Variants in CDH22 observed in about 807,000 individuals in gnomAD.
CDH22 encodes cadherin-22.
Under a neutral mutation model 58.4 loss-of-function variants are expected in CDH22, and 30 were observed. The ratio of observed to expected loss-of-function variants is 0.51; its 90% CI spans 0.38 to 0.70. The LOEUF (loss-of-function observed/expected upper bound fraction) is 0.70. Ranked by LOEUF, CDH22 falls within the 30% of genes least tolerant of loss-of-function variation. The pLI, the probability that CDH22 is intolerant of heterozygous loss-of-function variation, is 0.00. For missense variants in CDH22, 1,014 were observed against 1,233.9 expected (o/e 0.82, Z 2.67); for synonymous variants, 513 against 558.2 (o/e 0.92, Z 1.14).
intron 10 of CDH22, among the ~76,000 whole-genome samples, chr20:46,184,910 AC>A (rs897492829): frequency 3.2e-4 from 48 of 152,112 alleles, no homozygotes; most frequent in Admixed American, 2.3e-3. Context: ...ACATGGCGAA[AC>A]CTCGTCTCTA....
chr20:46,273,757 G>A (rs187008925), intron 1 of CDH22, among the ~76,000 whole-genome samples: 1 of 152,186 alleles, frequency 6.6e-6, no homozygotes, highest in Non-Finnish European at 1.5e-5. Context: ...ATGAGCCACC[G>A]GGTTGTGAAA....
At chr20:46,282,377 A>G (rs1270824996) in intron 1 of CDH22, among the ~76,000 whole-genome samples, 3 of 152,168 alleles carry the variant, frequency 2.0e-5, no homozygotes, top group African/African-American at 7.2e-5. Flanking sequence ...CTGAGAGAGC[A>G]GGAAGGAGTC....
chr20:46,265,347 T>C (rs2086454333), intron 1 of CDH22, among the ~76,000 whole-genome samples: 1 of 152,262 alleles, frequency 6.6e-6, no homozygotes, highest in South Asian at 2.1e-4. Context: ...CATAATTAAT[T>C]AAAATTGTAC....
chr20:46,267,374 T>C (rs995143882), intron 1 of CDH22, among the ~76,000 whole-genome samples: 2 of 152,234 alleles, frequency 1.3e-5, no homozygotes, highest in Non-Finnish European at 2.9e-5. Flanking sequence ...GAAGGGCTCA[T>C]TCCCACACAC....
At chr20:46,269,101 C>A (rs1181433311) in intron 1 of CDH22, among the ~76,000 whole-genome samples, 1 of 152,210 alleles carries the variant, frequency 6.6e-6, no homozygotes, top group African/African-American at 2.4e-5. Context: ...GTTATTTTGA[C>A]ACTGACTGCC....
chr20:46,227,897 C>T (rs1321226321), intron 3 of CDH22, among the ~76,000 whole-genome samples: 1 of 151,640 alleles, frequency 6.6e-6, no homozygotes, highest in African/African-American at 2.4e-5. Flanking sequence ...ACTCTGGCAA[C>T]GAAAGGCAGC....
At chr20:46,290,041 A>C (rs189025285) in intron 1 of CDH22, among the ~76,000 whole-genome samples, 299 of 152,362 alleles carry the variant, frequency 2.0e-3, no homozygotes, top group Non-Finnish European at 2.9e-3. Context: ...GTTAATATTC[A>C]GAATTCTAGT....
At chr20:46,296,183 G>A (rs2086628081) in intron 1 of CDH22, among the ~76,000 whole-genome samples, 1 of 152,212 alleles carries the variant, frequency 6.6e-6, no homozygotes, top group Admixed American at 6.5e-5. Flanking sequence ...AGGCACCTGA[G>A]GATGTTACCA....
In CDH22 at chr20:46,178,591, T is replaced by TC. The variant is rs1490802631; in HGVS notation, c.1664-395_1664-394insG. 2.9e-5 allele frequency among the ~76,000 whole-genome samples: 4 copies of TC among 137,082 alleles called. No individual in the cohort carries two copies. The South Asian group carries it at 8.8e-4, about 30-fold the overall frequency. 89.9% of individuals were successfully genotyped at this position (137,082 alleles called of 152,430 possible). A position where few individuals can be genotyped will look rare whatever the true frequency, so the allele number is the denominator to read the frequency against. On this transcript the variant is annotated intron_variant, in intron 10 of 11. Transcript: ENST00000537909. ...GGTCCTGTCCCTGGCGTTGTCTTTTTTTTTTTTTTTTTTTTTGCCATTTGT... is the reference window on the plus strand; with the variant it reads ...GGTCCTGTCCCTGGCGTTGTCTTTTTCTTTTTTTTTTTTTTTTGCCATTTGT...
chr20:46,222,536 G>C (rs1277523337), intron 4 of CDH22, among the ~76,000 whole-genome samples: 3 of 152,228 alleles, frequency 2.0e-5, no homozygotes, highest in Non-Finnish European at 2.9e-5. Flanking sequence ...CAGAGATCTT[G>C]AAATCTCGGA....
At chr20:46,203,987 G>A (rs2085980200) in intron 7 of CDH22, among the ~76,000 whole-genome samples, 2 of 152,116 alleles carry the variant, frequency 1.3e-5, no homozygotes, top group Admixed American at 6.5e-5. Context: ...GGAGGCCTGG[G>A]AATGGTGCTT....
chr20:46,204,042 A>G (rs1329530924), intron 7 of CDH22, among the ~76,000 whole-genome samples: 1 of 151,998 alleles, frequency 6.6e-6, no homozygotes, highest in Non-Finnish European at 1.5e-5. Flanking sequence ...TGAAACCTAG[A>G]TGTGTGACCT....
At chr20:46,198,262 C>T (rs933796358) in intron 8 of CDH22, among the ~76,000 whole-genome samples, 8 of 149,594 alleles carry the variant, frequency 5.3e-5, no homozygotes, top group African/African-American at 2.0e-4. Context: ...TCCCAGCTCA[C>T]ATTTCTCCCT....
rs1007333924 is a variant in CDH22, at chr20:46,174,437, C to T, written c.*69G>A. 9.0e-7 allele frequency: 1 copy of T among 1,111,784 alleles called. No individual in the cohort carries two copies. The highest frequency in any genetic ancestry group is 1.2e-6 in the Non-Finnish European group (1 of 827,934). The allele number at this position is 1,111,784 out of a possible 1,614,324, so 68.9% of individuals were successfully genotyped here. A position where few individuals can be genotyped will look rare whatever the true frequency, so the allele number is the denominator to read the frequency against. On this transcript the variant is annotated 3_prime_UTR_variant, in exon 12 of 12. Coordinates refer to ENST00000537909, the MANE Select transcript of CDH22 (RefSeq NM_021248.3). This position sits in a 1 kb window ranked among gnomAD's most constrained non-coding sequence, Gnocchi z 4.4. ...CAGGAAAGGGGGTCCGCGGGGGAAA[C>T]GCGTTGTCCTGGGGCCCCGGCGTGT... is the stretch of plus-strand genomic sequence containing the variant.
chr20:46,176,467 TG>T (rs2085740160), intron 11 of CDH22, among the ~76,000 whole-genome samples: 1 of 152,236 alleles, frequency 6.6e-6, no homozygotes, highest in African/African-American at 2.4e-5. Context: ...TCTCTTTTGT[TG>T]AGTGCTAAAT....
intron 1 of CDH22, among the ~76,000 whole-genome samples, chr20:46,292,131 T>C (rs551712030): frequency 3.3e-5 from 5 of 152,326 alleles, no homozygotes; most frequent in Admixed American, 1.3e-4. Flanking sequence ...CCAAGGTCAC[T>C]CAGAGAGTTG....
chr20:46,299,527 G>A (rs190421926), intron 1 of CDH22, among the ~76,000 whole-genome samples: 40 of 152,338 alleles, frequency 2.6e-4, no homozygotes, highest in Non-Finnish European at 4.3e-4. Flanking sequence ...GTGTGAGCAC[G>A]CAGGTGCGTA....
chr20:46,291,505 C>A (rs552239735), intron 1 of CDH22, among the ~76,000 whole-genome samples: 1 of 152,210 alleles, frequency 6.6e-6, no homozygotes, highest in Non-Finnish European at 1.5e-5. Flanking sequence ...TAGCCCTGAG[C>A]GGCCCTGCTG....
At position 46,300,920 on chromosome 20, in the gene CDH22, G is replaced by A. The variant is rs1471714956; in HGVS notation, c.-400+7335C>T. Among the ~76,000 whole-genome samples the A allele has an allele frequency of 6.6e-6, 1 of 152,196 alleles. No individual in the cohort carries two copies. The highest frequency in any genetic ancestry group is 1.5e-5 in the Non-Finnish European group (1 of 68,038). On this transcript the variant is annotated intron_variant, in intron 1 of 11. Coordinates refer to ENST00000537909, the MANE Select transcript of CDH22 (RefSeq NM_021248.3). This position sits in a 1 kb window ranked among gnomAD's most constrained non-coding sequence, Gnocchi z 4.4. Reference sequence around the variant, plus strand: ...GTCCAACAGTGGGGGCTGGTTAAATGAATTATGGGCAGCCACACAATGGAG... The same window carrying A: ...GTCCAACAGTGGGGGCTGGTTAAATAAATTATGGGCAGCCACACAATGGAG...
Sources: gnomAD v4.1 joint callset for allele counts (sites outside exome capture counted in the v4.1 genomes callset) on GRCh38, gnomAD v4.1.1 for gene constraint, Gnocchi (gnomAD v3.1) non-coding constraint, MANE v1.5 for transcripts, NCBI Gene and HGNC (gene_info 2026-07-23, HGNC 2026-07-21) for gene names.